The following TANC2 variants were observed in gnomAD, a reference collection of about 807,000 sequenced individuals.
TANC2 encodes the protein protein TANC2.
In TANC2, 26 loss-of-function variants were observed where a neutral mutation model predicts 210.5. The ratio of observed to expected loss-of-function variants is 0.12; its 90% CI spans 0.09 to 0.17. The LOEUF (loss-of-function observed/expected upper bound fraction) is 0.17, where lower values mean the gene tolerates loss of function less well. Ranked by LOEUF, TANC2 falls within the 10% of genes least tolerant of loss-of-function variation. TANC2 has a pLI of 1.00. For synonymous variants in TANC2, 931 were observed against 967.1 expected, an observed-to-expected ratio of 0.96 and a Z score of 0.69; for missense variants, 2,129 against 2,608.9, an observed-to-expected ratio of 0.82 and a Z score of 4.01.
At chr17:63,354,753 C>T (rs2046731547) in intron 13 of TANC2, 30 bp from the exon 14 acceptor site, 1 of 1,528,808 alleles carries the variant, frequency 6.5e-7, no homozygotes, top group Non-Finnish European at 8.8e-7. Flanking sequence ...GAAGGTCTTT[C>T]TGTCTCTTTC....
chr17:63,154,679 T>A (rs571025817), intron 5 of TANC2: 4 of 152,214 alleles, frequency 2.6e-5, no homozygotes, highest in Non-Finnish European at 5.9e-5. Flanking sequence ...TAATTGTTAG[T>A]TGATTTTATT....
chr17:62,977,167 C>A (rs1450953898), intron 1 of TANC2, among the ~76,000 whole-genome samples: 1 of 152,164 alleles, frequency 6.6e-6, no homozygotes, highest in Non-Finnish European at 1.5e-5. Context: ...CATTCTGTTT[C>A]TACATAAACA....
At chr17:63,269,397 A>G (rs1312702368) in intron 9 of TANC2, among the ~76,000 whole-genome samples, 1 of 152,140 alleles carries the variant, frequency 6.6e-6, no homozygotes, top group Non-Finnish European at 1.5e-5. Context: ...AAGAGACCAA[A>G]TAATTGATTT....
intron 1 of TANC2, among the ~76,000 whole-genome samples, chr17:62,986,813 G>A (rs892705804): frequency 1.3e-5 from 2 of 152,050 alleles, no homozygotes; most frequent in South Asian, 2.1e-4. Context: ...TTGCTTGGCC[G>A]GCCTGGGGTA....
intron 17 of TANC2, among the ~76,000 whole-genome samples, chr17:63,392,712 C>T (rs2048020906): frequency 6.6e-6 from 1 of 152,154 alleles, no homozygotes; most frequent in African/African-American, 2.4e-5. Context: ...AGAAATGATA[C>T]ACGTTTGAGG....
chr17:63,265,195 G>A lies in TANC2; in HGVS notation c.1034-2553G>A, dbSNP rs1323820957. On this transcript the variant is annotated intron_variant, in intron 8 of 27. Coordinates refer to ENST00000689528, the Ensembl canonical transcript of TANC2. ...CCAGATTCATAAGTTTTTGAGTGCTGACCTGATGCTCAAAGGAAATGCTCA... is the reference window on the plus strand; with the variant it reads ...CCAGATTCATAAGTTTTTGAGTGCTAACCTGATGCTCAAAGGAAATGCTCA... Among the ~76,000 whole-genome samples the A allele has an allele frequency of 2.0e-5, 3 of 152,242 alleles. No homozygotes were observed. The East Asian group carries it at 5.8e-4, about 29-fold the overall frequency.
chr17:62,969,950 C>T (rs1019437302), intron 1 of TANC2, among the ~76,000 whole-genome samples: 1 of 152,168 alleles, frequency 6.6e-6, no homozygotes, highest in Non-Finnish European at 1.5e-5. Context: ...TTTTCTCACA[C>T]TTAAACATTG....
At chr17:63,081,130 G>C (rs539678956) in intron 3 of TANC2, among the ~76,000 whole-genome samples, 1 of 152,034 alleles carries the variant, frequency 6.6e-6, no homozygotes, top group South Asian at 2.1e-4. Flanking sequence ...TATCTTTATT[G>C]CTTGTTCTGT....
rs1481447174 is a variant in TANC2 at position 63,233,430 on chromosome 17, A to G, written c.770-4384A>G. Reference sequence around the variant, plus strand: ...GGATCGTGGATTCTTGGGCAGGGTAACACAATCACTCACTACCACCTCCCT... The same window carrying G: ...GGATCGTGGATTCTTGGGCAGGGTAGCACAATCACTCACTACCACCTCCCT... On this transcript the variant is annotated intron_variant, in intron 7 of 27. Transcript: ENST00000689528. Among the ~76,000 whole-genome samples the G allele has an allele frequency of 2.6e-5, 4 of 152,310 alleles. No individual in the cohort carries two copies. In the East Asian group the frequency reaches 7.7e-4, roughly 29 times the overall value.
intron 9 of TANC2, among the ~76,000 whole-genome samples, chr17:63,276,802 T>C (rs2043890367): frequency 6.6e-6 from 1 of 152,158 alleles, no homozygotes; most frequent in African/African-American, 2.4e-5. Context: ...ATTGGAGTTC[T>C]TACTCTTTGT....
At chr17:63,048,027 C>G (rs1044324186) in intron 2 of TANC2, among the ~76,000 whole-genome samples, 13 of 152,130 alleles carry the variant, frequency 8.5e-5, no homozygotes, top group African/African-American at 3.1e-4. Flanking sequence ...GGATTCTTTT[C>G]TGTATCCCTC....
chr17:62,967,083 G>A (rs903881165), intron 1 of TANC2: 5 of 152,228 alleles, frequency 3.3e-5, no homozygotes, highest in Non-Finnish European at 7.3e-5. Flanking sequence ...GTTGCAAAAT[G>A]TGCCCCCAGA....
chr17:63,270,169 G>A lies in TANC2; in HGVS notation c.1159+2296G>A, dbSNP rs534460705. Among the ~76,000 whole-genome samples, 180 of 152,206 alleles carry A rather than the reference G, an allele frequency of 1.2e-3. 1 individual carries two copies. The highest frequency in any genetic ancestry group is 3.9e-3 in the African/African-American group (164 of 41,546). On this transcript the variant is annotated intron_variant, in intron 9 of 27. Transcript: ENST00000689528. ...TAAAACTAGTAATAACTTTAATTCA[G>A]AATTTTCAGAATTTAGAGTCCCTGA...
intron 17 of TANC2, among the ~76,000 whole-genome samples, chr17:63,392,170 G>A (rs774660941): frequency 6.6e-6 from 1 of 152,134 alleles, no homozygotes; most frequent in African/African-American, 2.4e-5. Flanking sequence ...AGGCTTTGGC[G>A]TCAAACCCGA....
At chr17:63,072,584 T>C (rs912456883) in intron 2 of TANC2, among the ~76,000 whole-genome samples, 3 of 152,094 alleles carry the variant, frequency 2.0e-5, no homozygotes, top group African/African-American at 4.8e-5. Flanking sequence ...GGAAAAAATA[T>C]GGTTGCCTAT....
At chr17:63,138,596 C>T (rs2039176263) in intron 4 of TANC2, among the ~76,000 whole-genome samples, 1 of 152,066 alleles carries the variant, frequency 6.6e-6, no homozygotes, top group African/African-American at 2.4e-5. Flanking sequence ...CTTCTTCTAT[C>T]CTCTGAAATG....
intron 9 of TANC2, among the ~76,000 whole-genome samples, chr17:63,278,189 A>G (rs2043944896): frequency 6.6e-6 from 1 of 152,134 alleles, no homozygotes; most frequent in African/African-American, 2.4e-5. Flanking sequence ...ACAGAGTAAC[A>G]AGGCAATCTA....
At chr17:63,299,367 T>A (rs2044636334) in intron 9 of TANC2, among the ~76,000 whole-genome samples, 1 of 152,116 alleles carries the variant, frequency 6.6e-6, no homozygotes, top group Admixed American at 6.6e-5. Context: ...CACAATTTTT[T>A]AACTAATTTA....
chr17:62,970,038 C>G (rs1274337354), intron 1 of TANC2, among the ~76,000 whole-genome samples: 1 of 152,188 alleles, frequency 6.6e-6, no homozygotes, highest in African/African-American at 2.4e-5. Context: ...ATGCAGCCAA[C>G]ACTTACATGC....
Sources: allele counts gnomAD v4.1 joint callset (sites outside exome capture counted in the v4.1 genomes callset), GRCh38; gene constraint gnomAD v4.1.1; transcripts MANE v1.5; gene names NCBI Gene and HGNC (gene_info 2026-07-23, HGNC 2026-07-21).